ASPRV1: variants seen among roughly 807,000 people sequenced by gnomAD.
ASPRV1 encodes retroviral-like aspartic protease 1.
ASPRV1 carries 7 observed loss-of-function variants against 11.0 expected under a neutral mutation model. The observed-to-expected ratio is 0.64, with a 90% CI of 0.36 to 1.20. The LOEUF (loss-of-function observed/expected upper bound fraction) is 1.20. Ranked by LOEUF, ASPRV1 falls within the 50% of genes most tolerant of loss-of-function variation. ASPRV1 has a pLI of 0.02. For missense variants in ASPRV1, 299 were observed against 320.0 expected (o/e 0.93, Z 0.50); for synonymous variants, 136 against 138.4 (o/e 0.98, Z 0.12).
chr2:69,941,599 C>T, the ASPRV1 span: 270 of 152,230 alleles, frequency 1.8e-3, no homozygotes, highest in African/African-American at 6.0e-3. Flanking sequence ...TTAAGGTGGG[C>T]ATTTTCCTTT....
the ASPRV1 span, among the ~76,000 whole-genome samples, chr2:69,944,181 CTTG>C: frequency 3.9e-5 from 6 of 152,330 alleles, no homozygotes; most frequent in East Asian, 9.6e-4. Flanking sequence ...ATCAGGATCC[CTTG>C]TTTACTGTGG....
the ASPRV1 span, among the ~76,000 whole-genome samples, chr2:70,067,363 T>C: frequency 6.6e-6 from 1 of 152,082 alleles, no homozygotes; most frequent in African/African-American, 2.4e-5. Flanking sequence ...CCCAGTGGGG[T>C]TGTAAGCAAT....
At chr2:70,032,210 T>A in the ASPRV1 span, 5 of 152,212 alleles carry the variant, frequency 3.3e-5, no homozygotes, top group Non-Finnish European at 7.3e-5. Context: ...TTACAGTGGA[T>A]GTTAAGACTA....
At chr2:70,038,475 G>A in the ASPRV1 span, among the ~76,000 whole-genome samples, 65 of 152,286 alleles carry the variant, frequency 4.3e-4, no homozygotes, top group African/African-American at 1.5e-3. Context: ...AGCTACTCAG[G>A]AGGCTAAGGT....
At chr2:70,042,028 G>A in the ASPRV1 span, among the ~76,000 whole-genome samples, 2 of 152,038 alleles carry the variant, frequency 1.3e-5, no homozygotes, top group East Asian at 3.9e-4. Context: ...TTGGGATAAA[G>A]ATTCACTCTT....
At chr2:69,971,312 G>C in the ASPRV1 span, 1 of 151,826 alleles carries the variant, frequency 6.6e-6, no homozygotes, top group Non-Finnish European at 1.5e-5. Flanking sequence ...TTTCTATTTG[G>C]GGCCACTTCT....
the ASPRV1 span, among the ~76,000 whole-genome samples, chr2:69,972,093 A>C: frequency 6.6e-6 from 1 of 150,838 alleles, no homozygotes; most frequent in Non-Finnish European, 1.5e-5. Flanking sequence ...ACGGAGTCTC[A>C]CACTGTCACC....
At chr2:70,022,350 CACACACACACTT>C in the ASPRV1 span, among the ~76,000 whole-genome samples, 5 of 97,216 alleles carry the variant, frequency 5.1e-5, no homozygotes, top group Admixed American at 5.7e-4. Flanking sequence ...TACCAAAACA[CACACACACACTT>C]ACACACACAC....
At chr2:70,035,124 A>G in the ASPRV1 span, 1 of 152,288 alleles carries the variant, frequency 6.6e-6, no homozygotes, top group Non-Finnish European at 1.5e-5. Flanking sequence ...AAGGGAGGTG[A>G]AGAGCCTCCT....
At chr2:70,081,595 C>A in the ASPRV1 span, 1 of 151,666 alleles carries the variant, frequency 6.6e-6, no homozygotes, top group African/African-American at 2.4e-5. Context: ...TTTTTATTTT[C>A]TTTTTTTAGA....
chr2:70,056,995 C>T, the ASPRV1 span, among the ~76,000 whole-genome samples: 102 of 152,126 alleles, frequency 6.7e-4, no homozygotes, highest in Non-Finnish European at 1.2e-3. Context: ...CCTCAGCCTC[C>T]CAAAGTGCTA....
At chr2:69,956,479 A>AAGAAGAAGAAGAAGAAGAAGAAGAAGAAG (rs1558579534), downstream of ASPRV1, among the ~76,000 whole-genome samples, 91 of 132,056 alleles carry the variant, frequency 6.9e-4, 11 homozygotes, top group African/African-American at 2.3e-3. Flanking sequence ...AGAAGAAGAA[A>AAGAAGAAGAAGAAGAAGAAGAAGAAGAAG]AGAGGAAGAA....
the ASPRV1 span, among the ~76,000 whole-genome samples, chr2:69,996,214 C>CAA: frequency 0.089 from 4,769 of 53,324 alleles, 584 homozygotes; most frequent in East Asian, 0.2. Context: ...CCCCATCTCT[C>CAA]AAAAAAAAAA....
chr2:70,033,794 T>G, the ASPRV1 span, among the ~76,000 whole-genome samples: 1 of 152,194 alleles, frequency 6.6e-6, no homozygotes, highest in Non-Finnish European at 1.5e-5. Context: ...GTAAAGCCTA[T>G]GTAACAAGCC....
the ASPRV1 span, among the ~76,000 whole-genome samples, chr2:69,934,993 A>G: frequency 6.6e-6 from 1 of 152,242 alleles, no homozygotes; most frequent in Non-Finnish European, 1.5e-5. Flanking sequence ...ATATGCATTT[A>G]ATACTTCAAT....
chr2:69,945,216 G>A, the ASPRV1 span, among the ~76,000 whole-genome samples: 10 of 151,420 alleles, frequency 6.6e-5, no homozygotes, highest in Non-Finnish European at 1.3e-4. Context: ...TCCAGCCTGG[G>A]CGACAGAGAG....
At chr2:70,061,872 AGAATCTCTT>A in the ASPRV1 span, among the ~76,000 whole-genome samples, 1 of 152,012 alleles carries the variant, frequency 6.6e-6, no homozygotes, top group African/African-American at 2.4e-5. Context: ...CTGAGGCAGG[AGAATCTCTT>A]GAACCTGGGA....
At chr2:70,006,350 G>A in the ASPRV1 span, among the ~76,000 whole-genome samples, 2 of 152,146 alleles carry the variant, frequency 1.3e-5, no homozygotes, top group South Asian at 2.1e-4. Flanking sequence ...GGCCCCCTAC[G>A]GTTAGGTGTA....
chr2:69,987,939 G>A, the ASPRV1 span, among the ~76,000 whole-genome samples: 13 of 152,178 alleles, frequency 8.5e-5, no homozygotes, highest in Non-Finnish European at 1.2e-4. Context: ...TACTTATCAA[G>A]CACCTACAAT....
Sources: allele counts gnomAD v4.1 joint callset (sites outside exome capture counted in the v4.1 genomes callset), GRCh38; gene constraint gnomAD v4.1.1; transcripts MANE v1.5; gene names NCBI Gene and HGNC (gene_info 2026-07-23, HGNC 2026-07-21).